Variants in NCEH1 observed in about 807,000 individuals in gnomAD.
NCEH1 encodes the protein 2-acetyl MAGE hydrolase.
Under a neutral mutation model 25.4 loss-of-function variants are expected in NCEH1, and 9 were observed. The ratio of observed to expected loss-of-function variants is 0.35; its 90% confidence interval spans 0.21 to 0.62. The LOEUF (loss-of-function observed/expected upper bound fraction) is 0.62. Among genes scored for constraint, NCEH1 ranks in the 20% least tolerant of loss-of-function variants. The pLI is 0.72. For synonymous variants in NCEH1, 200 were observed against 199.8 expected, an observed-to-expected ratio of 1.00 and a Z score of -0.01; for missense variants, 412 against 501.1, an observed-to-expected ratio of 0.82 and a Z score of 1.70.
chr3:172,660,327 A>T (rs1272079247), intron 1 of NCEH1, among the ~76,000 whole-genome samples: 2 of 152,198 alleles, frequency 1.3e-5, no homozygotes, highest in Non-Finnish European at 2.9e-5. Context: ...ATGGCTGCAT[A>T]GTATTCCATG....
chr3:172,644,133 C>CTA (rs1241516528), intron 3 of NCEH1, among the ~76,000 whole-genome samples: 2 of 151,174 alleles, frequency 1.3e-5, no homozygotes, highest in Non-Finnish European at 3.0e-5. Context: ...TTGGGTGACT[C>CTA]TAGGGCTTTT....
In NCEH1 at chr3:172,633,845, A is replaced by G. The variant is rs774331867; in HGVS notation, c.857T>C (p.Leu286Pro). Residue 286 changes from leucine (L) to proline (P), a missense_variant, in exon 5 of 5, where the codon CTA becomes CCA. Leu to Pro is a moderately conservative substitution (Grantham distance 98). Transcript: ENST00000475381. ...TGCAGGCAAGAGGGATGTCCAGTTT[A>G]GACGGGCCCTGACAGCAGCAGCCTC... ...VEEAAAVRARLNWTSLLPASF... is the reference protein window; with the variant it reads ...VEEAAAVRARPNWTSLLPASF... 1 of 1,614,104 alleles carries G rather than the reference A, an allele frequency of 6.2e-7. No homozygotes were observed.
intron 1 of NCEH1, among the ~76,000 whole-genome samples, chr3:172,681,858 G>A (rs1324481153): frequency 6.6e-6 from 1 of 151,636 alleles, no homozygotes; most frequent in East Asian, 1.9e-4. Flanking sequence ...TTGTAGTGAG[G>A]TGAGATCACA....
At chr3:172,640,877 C>T (rs1214263177) in intron 3 of NCEH1, among the ~76,000 whole-genome samples, 2 of 152,198 alleles carry the variant, frequency 1.3e-5, no homozygotes, top group Non-Finnish European at 2.9e-5. Context: ...TCATAACTCA[C>T]TGCAGCCTCA....
intron 1 of NCEH1, among the ~76,000 whole-genome samples, chr3:172,653,976 C>T (rs9822641): frequency 0.012 from 1,894 of 152,002 alleles, 38 homozygotes; most frequent in African/African-American, 0.043. Flanking sequence ...AGGATGGTCT[C>T]GATCTCCTGA....
intron 3 of NCEH1, among the ~76,000 whole-genome samples, chr3:172,641,120 A>G (rs1482768469): frequency 6.6e-6 from 1 of 152,226 alleles, no homozygotes; most frequent in Non-Finnish European, 1.5e-5. Context: ...AATAAAAAAT[A>G]CATAAACTAG....
At chr3:172,692,918 C>T (rs1713148751) in intron 1 of NCEH1, among the ~76,000 whole-genome samples, 1 of 152,186 alleles carries the variant, frequency 6.6e-6, no homozygotes, top group Non-Finnish European at 1.5e-5. Flanking sequence ...TCTTTCACCT[C>T]AGACTCTTGC....
At chr3:172,710,326 G>A (rs933740067) in intron 1 of NCEH1, among the ~76,000 whole-genome samples, 8 of 152,196 alleles carry the variant, frequency 5.3e-5, no homozygotes, top group African/African-American at 1.9e-4. Flanking sequence ...TGGATGGAGA[G>A]CCCTGCCTGC....
chr3:172,641,063 C>G (rs1716826631), intron 3 of NCEH1, among the ~76,000 whole-genome samples: 1 of 152,000 alleles, frequency 6.6e-6, no homozygotes, highest in African/African-American at 2.4e-5. Flanking sequence ...TGCACCATTG[C>G]ACTCCACCCT....
intron 1 of NCEH1, among the ~76,000 whole-genome samples, chr3:172,668,581 G>A (rs9845799): frequency 0.2 from 29,695 of 151,260 alleles, 3,787 homozygotes; most frequent in African/African-American, 0.36. Context: ...GAATATTACC[G>A]TGATGACTAT....
intron 1 of NCEH1, among the ~76,000 whole-genome samples, chr3:172,671,701 T>G (rs1367157778): frequency 6.6e-6 from 1 of 151,564 alleles, no homozygotes; most frequent in Non-Finnish European, 1.5e-5. Context: ...TAATTACACA[T>G]GCACATATCA....
At chr3:172,641,223 T>G (rs1340956642) in intron 3 of NCEH1, among the ~76,000 whole-genome samples, 1 of 123,136 alleles carries the variant, frequency 8.1e-6, no homozygotes, top group Non-Finnish European at 1.7e-5. Flanking sequence ...AGGATACATC[T>G]GCAAATCTTA....
At chr3:172,654,046 TG>T (rs1717580008) in intron 1 of NCEH1, among the ~76,000 whole-genome samples, 1 of 152,106 alleles carries the variant, frequency 6.6e-6, no homozygotes, top group South Asian at 2.1e-4. Flanking sequence ...TGAGCCACCG[TG>T]CCCGGCCTGG....
chr3:172,657,535 C>T (rs1287120872), intron 1 of NCEH1, among the ~76,000 whole-genome samples: 2 of 152,206 alleles, frequency 1.3e-5, no homozygotes, highest in South Asian at 2.1e-4. Flanking sequence ...CCCCCGCTCT[C>T]GTTGCTGCCT....
intron 1 of NCEH1, among the ~76,000 whole-genome samples, chr3:172,663,814 G>A (rs1351894116): frequency 3.3e-5 from 5 of 151,902 alleles, no homozygotes; most frequent in Non-Finnish European, 5.9e-5. Flanking sequence ...CATTTGCTTG[G>A]TAGATCTTCC....
intron 1 of NCEH1, among the ~76,000 whole-genome samples, chr3:172,705,191 G>A (rs1385623245): frequency 1.3e-5 from 2 of 152,194 alleles, no homozygotes; most frequent in Admixed American, 6.5e-5. Flanking sequence ...GAGATGGGGA[G>A]GGTGGCATAG....
chr3:172,649,480 C>T (rs374477129), intron 1 of NCEH1, among the ~76,000 whole-genome samples: 2 of 152,148 alleles, frequency 1.3e-5, no homozygotes, highest in South Asian at 4.2e-4. Flanking sequence ...CATCAACTGC[C>T]CAATTTACTG....
chr3:172,633,720 T>C lies in NCEH1; in HGVS notation c.982A>G (p.Ile328Val), dbSNP rs567485610. The C allele has an allele frequency of 7.4e-6, 12 of 1,614,186 alleles. No homozygotes were observed. Among genetic ancestry groups the C allele is most frequent in the Middle Eastern group, 3.3e-4 (2 of 6,062 alleles). Residue 328 changes from isoleucine to valine, a missense_variant, in exon 5 of 5, where the codon ATT becomes GTT. Physicochemically the swap from Ile to Val is conservative, Grantham distance 29. This residue lies in a region of NCEH1 where 210 missense variants were observed against 258.2 expected (regional missense o/e 0.81). Transcript: ENST00000475381. ...AGCTGCAGCACTGCCTGGTCTGCAATGAGTGGGGCGGAGCGGGCATCCAGC... is the reference window on the plus strand; with the variant it reads ...AGCTGCAGCACTGCCTGGTCTGCAACGAGTGGGGCGGAGCGGGCATCCAGC... ...QLLDARSAPL[I>V]ADQAVLQLLP...
chr3:172,636,656 A>T (rs940629565), intron 3 of NCEH1, among the ~76,000 whole-genome samples: 9 of 152,206 alleles, frequency 5.9e-5, no homozygotes, highest in Non-Finnish European at 1.2e-4. Context: ...CCGGTTGTTA[A>T]CTCACAAAAG....
Sources: gnomAD v4.1 joint callset for allele counts (sites outside exome capture counted in the v4.1 genomes callset) on GRCh38, gnomAD v4.1.1 for gene constraint, gnomAD v4.1.1 regional missense constraint, MANE v1.5 for transcripts, NCBI Gene and HGNC (gene_info 2026-07-23, HGNC 2026-07-21) for gene names.